The following MPDZ variants were observed in gnomAD, a reference collection of about 807,000 sequenced individuals.
The protein encoded by MPDZ is multiple PDZ domain protein.
In MPDZ, 234 loss-of-function variants were observed where a neutral mutation model predicts 239.1. The observed-to-expected ratio is 0.98, with a 90% CI of 0.88 to 1.09. The LOEUF (loss-of-function observed/expected upper bound fraction) is 1.09. Among genes scored for constraint, MPDZ ranks in the 50% least tolerant of loss-of-function variants. MPDZ has a pLI of 0.00. For synonymous variants in MPDZ, 1,048 were observed against 881.3 expected (o/e 1.19, Z -3.35); for missense variants, 3,175 against 2,510.0 (o/e 1.26, Z -5.66).
chr9:13,148,380 T>C (rs73406241), intron 25 of MPDZ, among the ~76,000 whole-genome samples: 28 of 152,150 alleles, frequency 1.8e-4, no homozygotes, highest in African/African-American at 6.5e-4. Context: ...CAGAAAACTA[T>C]AGGATGTTAG....
intron 6 of MPDZ, 70 bp from the exon 7 acceptor site, chr9:13,221,570 A>T: frequency 6.6e-7 from 1 of 1,514,652 alleles, no homozygotes; most frequent in Non-Finnish European, 8.9e-7. Context: ...TACAGTAGAA[A>T]TTTTTGCGAT....
At chr9:13,186,893 T>A (rs1954184388) in intron 17 of MPDZ, among the ~76,000 whole-genome samples, 1 of 152,134 alleles carries the variant, frequency 6.6e-6, no homozygotes, top group African/African-American at 2.4e-5. Context: ...AAAAGGAATG[T>A]TAGTGAACTC....
chr9:13,136,155 G>A lies in MPDZ; in HGVS notation c.4320C>T (p.Ala1440=), dbSNP rs555595727. The A allele has an allele frequency of 4.5e-5, 73 of 1,612,250 alleles. 1 individual carries two copies. The East Asian group carries it at 1.1e-3, about 25-fold the overall frequency. The change falls in exon 31 of 47, where the codon GCC becomes GCT. Residue 1440 remains alanine, a synonymous_variant. Coordinates refer to ENST00000319217, the MANE Select transcript of MPDZ (RefSeq NM_001378778.1). The part of the protein sequence containing the change: ...IRNKDAVNQM[A]VCPGNAVEPL... ...GTTCTACTGCATTTCCAGGACATAC[G>A]GCCATCTGATTCACTGCATCTTTAT...
intron 21 of MPDZ, among the ~76,000 whole-genome samples, chr9:13,169,975 T>A (rs1261703821): frequency 2.0e-5 from 3 of 152,188 alleles, no homozygotes; most frequent in Admixed American, 6.5e-5. Flanking sequence ...TGAATTAATG[T>A]TCCCTTTGCA....
chr9:13,130,442 C>T (rs956965013), intron 32 of MPDZ, among the ~76,000 whole-genome samples: 4 of 25,262 alleles, frequency 1.6e-4, no homozygotes, highest in African/African-American at 6.1e-4. Context: ...ATTCACTCTT[C>T]CTTCGCAGAT....
rs754459745 is a variant in MPDZ at position 13,140,154 on chromosome 9, G to T, written c.3841-5C>A. ...TGACTCTGACTGACTGGGTGCCTGT[G>T]GGAACAAAAAGAATGCAGTGGGTTT... On this transcript the variant is annotated splice_region_variant and splice_polypyrimidine_tract_variant and intron_variant, in intron 27 of 46. Transcript: ENST00000319217. 6.8e-6 allele frequency: 11 copies of T among 1,611,750 alleles called. No homozygotes were observed. Among genetic ancestry groups the T allele is most frequent in the Non-Finnish European group, 9.3e-6 (11 of 1,178,904 alleles).
At position 13,188,953 on chromosome 9, in the gene MPDZ, G is replaced by A. The variant is rs768934275; in HGVS notation, c.2195C>T (p.Ser732Phe). ...DPASTVIIIRSLVPGGIAEKD... is the reference protein window; with the variant it reads ...DPASTVIIIRFLVPGGIAEKD... ...TTCAGCAATGCCGCCAGGCACCAAA[G>A]AACGAATTATAATCACAGTGCTTGC... Residue 732 changes from serine (S) to phenylalanine (F), a missense_variant, in exon 17 of 47, where the codon TCT becomes TTT. Coordinates refer to ENST00000319217, the MANE Select transcript of MPDZ (RefSeq NM_001378778.1). 6 of 1,613,174 alleles carry A rather than the reference G, an allele frequency of 3.7e-6. No individual in the cohort carries two copies. The highest frequency in any genetic ancestry group is 5.1e-6 in the Non-Finnish European group (6 of 1,179,502).
intron 2 of MPDZ, among the ~76,000 whole-genome samples, chr9:13,248,081 A>G (rs903744028): frequency 6.6e-6 from 1 of 151,900 alleles, no homozygotes; most frequent in Non-Finnish European, 1.5e-5. Flanking sequence ...ACAAAAAATT[A>G]GCCGGGCATG....
At chr9:13,123,967 A>G (rs569152685) in intron 35 of MPDZ, among the ~76,000 whole-genome samples, 1 of 152,344 alleles carries the variant, frequency 6.6e-6, no homozygotes, top group East Asian at 1.9e-4. Flanking sequence ...ATAGATTATG[A>G]GAAAAGGGGA....
chr9:13,183,913 C>T (rs1338135042), intron 18 of MPDZ, among the ~76,000 whole-genome samples: 1 of 151,942 alleles, frequency 6.6e-6, no homozygotes. Context: ...TTCCCATGCC[C>T]AACTCTTACA....
chr9:13,144,762 A>G (rs1948209155), intron 26 of MPDZ, among the ~76,000 whole-genome samples: 1 of 152,084 alleles, frequency 6.6e-6, no homozygotes, highest in South Asian at 2.1e-4. Flanking sequence ...AATGGGCACA[A>G]TGACATTTCT....
At position 13,168,519 on chromosome 9, in the gene MPDZ, C is replaced by T. The variant is rs376187489; in HGVS notation, c.3101G>A (p.Arg1034Gln). Residue 1034 changes from arginine (R) to glutamine (Q), a missense_variant, in exon 22 of 47, where the codon CGA becomes CAA. Transcript: ENST00000319217. ...ANKDGLGMIV[R>Q]SIIHGGAISR... ...AATGGCACCTCCATGAATAATGCTT[C>T]GAACGATCATCCCCAAGCCATCTTT... is the stretch of plus-strand genomic sequence containing the variant. 3.3e-5 allele frequency: 54 copies of T among 1,612,700 alleles called. No homozygotes were observed. Among genetic ancestry groups the T allele is most frequent in the African/African-American group, 2.9e-4 (22 of 74,836 alleles).
At chr9:13,138,890 G>A (rs1947245888) in intron 28 of MPDZ, among the ~76,000 whole-genome samples, 1 of 152,134 alleles carries the variant, frequency 6.6e-6, no homozygotes, top group Non-Finnish European at 1.5e-5. Context: ...AGCCCAGCTG[G>A]GCCCAGTCAC....
At chr9:13,206,838 G>A (rs900545926) in intron 10 of MPDZ, among the ~76,000 whole-genome samples, 3 of 151,942 alleles carry the variant, frequency 2.0e-5, no homozygotes, top group East Asian at 1.9e-4. Context: ...CACTGCACCC[G>A]GCCTACTTTT....
At chr9:13,141,836 G>T (rs1303027128) in intron 27 of MPDZ, among the ~76,000 whole-genome samples, 1 of 152,128 alleles carries the variant, frequency 6.6e-6, no homozygotes, top group Non-Finnish European at 1.5e-5. Flanking sequence ...TACAGAATCT[G>T]CTATATTGAA....
chr9:13,234,963 A>G (rs1435856484), intron 3 of MPDZ, among the ~76,000 whole-genome samples: 3 of 152,156 alleles, frequency 2.0e-5, no homozygotes, highest in African/African-American at 7.2e-5. Flanking sequence ...TGCTGAGAGC[A>G]TTCAATGAAA....
chr9:13,171,397 G>C (rs182893418), intron 21 of MPDZ, among the ~76,000 whole-genome samples: 4 of 152,218 alleles, frequency 2.6e-5, no homozygotes, highest in East Asian at 3.9e-4. Context: ...TACGGTCTAT[G>C]TGAAAATCAG....
intron 1 of MPDZ, among the ~76,000 whole-genome samples, chr9:13,273,220 T>C (rs191060560): frequency 1.4e-4 from 21 of 152,292 alleles, no homozygotes; most frequent in East Asian, 1.4e-3. Flanking sequence ...TATTTTGTTA[T>C]AGCACCCGAA....
At chr9:13,114,921 A>T (rs955583294) in intron 40 of MPDZ, among the ~76,000 whole-genome samples, 5 of 151,950 alleles carry the variant, frequency 3.3e-5, no homozygotes, top group African/African-American at 9.6e-5. Context: ...ATAAATAAAT[A>T]AAATAAATAA....
Sources: allele counts gnomAD v4.1 joint callset (sites outside exome capture counted in the v4.1 genomes callset), GRCh38; gene constraint gnomAD v4.1.1; transcripts MANE v1.5; gene names NCBI Gene and HGNC (gene_info 2026-07-23, HGNC 2026-07-21).